GNB5: variants seen among roughly 807,000 people sequenced by gnomAD.
The protein encoded by GNB5 is guanine nucleotide-binding protein subunit beta-5.
Under a neutral mutation model 55.3 loss-of-function variants are expected in GNB5, and 37 were observed. The observed-to-expected ratio is 0.67, with a 90% CI of 0.51 to 0.88. The LOEUF (loss-of-function observed/expected upper bound fraction) is 0.88, where lower values mean the gene tolerates loss of function less well. GNB5 is among the 40% of genes least tolerant of loss of function. GNB5 has a pLI of 0.00. For missense variants in GNB5, 476 were observed against 515.3 expected, an observed-to-expected ratio of 0.92 and a Z score of 0.74; for synonymous variants, 219 against 198.5, an observed-to-expected ratio of 1.10 and a Z score of -0.87.
intron 9 of GNB5, chr15:52,128,933 C>G (rs1303008176): frequency 6.2e-6 from 2 of 324,576 alleles, no homozygotes; most frequent in East Asian, 1.6e-4. Context: ...GCTGTGTTCC[C>G]CACACCTTCC....
In GNB5 at chr15:52,121,098, G is replaced by C. The variant is rs1472502838; in HGVS notation, c.*1659C>G. The C allele has an allele frequency of 6.6e-6, 1 of 152,238 alleles. No individual in the cohort carries two copies. The highest frequency in any genetic ancestry group is 1.5e-5 in the Non-Finnish European group (1 of 68,058). The allele number at this position is 152,238 out of a possible 1,614,324, so 9.4% of individuals were successfully genotyped here. A position where few individuals can be genotyped will look rare whatever the true frequency, so the allele number is the denominator to read the frequency against. On this transcript the variant is annotated 3_prime_UTR_variant, in exon 13 of 13. Coordinates refer to ENST00000261837, the MANE Select transcript of GNB5 (RefSeq NM_016194.4). ...GCATCTGGTCCAGTCCTGTCTTATG[G>C]CTGTGCCCAGCTCCAGCTCTGGAAG...
intron 3 of GNB5, among the ~76,000 whole-genome samples, chr15:52,174,430 C>T (rs1487692674): frequency 6.6e-6 from 1 of 152,130 alleles, no homozygotes; most frequent in African/African-American, 2.4e-5. Context: ...GGAGAAAGCT[C>T]TGGGGAGAAG....
chr15:52,145,929 T>C (rs114845794), intron 6 of GNB5, among the ~76,000 whole-genome samples: 1 of 151,692 alleles, frequency 6.6e-6, no homozygotes, highest in Admixed American at 6.6e-5. Flanking sequence ...TTTGGTATAG[T>C]TCCTCCCAGC....
intron 3 of GNB5, among the ~76,000 whole-genome samples, chr15:52,172,102 T>C (rs898777769): frequency 6.6e-6 from 1 of 152,172 alleles, no homozygotes; most frequent in Non-Finnish European, 1.5e-5. Flanking sequence ...AGTTAAAGAC[T>C]CTTTAGAGTT....
In GNB5 at chr15:52,124,474, C is replaced by T. The variant is rs986601217; in HGVS notation, c.1175G>A (p.Arg392Lys). The change falls in exon 12 of 13, where the codon AGA becomes AAA. Residue 392 changes from arginine (R) to lysine (K), a missense_variant and splice_region_variant. Arg to Lys is a conservative substitution (Grantham distance 26). Transcript: ENST00000261837. ...AAAACAGAAAACCATCCCTCTTACT[C>T]TGAGGGTATGATCCCATGATCCAGA... ...FCSGSWDHTL[R>K]VWA 1.2e-6 allele frequency: 2 copies of T among 1,611,440 alleles called. No individual in the cohort carries two copies. Among genetic ancestry groups the T allele is most frequent in the African/African-American group, 2.7e-5 (2 of 74,958 alleles).
intron 3 of GNB5, among the ~76,000 whole-genome samples, chr15:52,175,514 A>T (rs2034633216): frequency 6.6e-6 from 1 of 151,018 alleles, no homozygotes; most frequent in African/African-American, 2.4e-5. Flanking sequence ...TGAGGCGGGC[A>T]GATCACCTGA....
At chr15:52,147,582 CTTTTT>C (rs751616514) in intron 5 of GNB5, 47 bp from the exon 6 acceptor site, 2 of 805,004 alleles carry the variant, frequency 2.5e-6, no homozygotes, top group African/African-American at 3.7e-5. Flanking sequence ...ACACAAAAAT[CTTTTT>C]TTTTTTTCTT....
At chr15:52,151,169 G>A (rs2034085783) in intron 4 of GNB5, among the ~76,000 whole-genome samples, 1 of 152,190 alleles carries the variant, frequency 6.6e-6, no homozygotes, top group African/African-American at 2.4e-5. Context: ...AGTGTGTGGG[G>A]TGGATTCAGT....
intron 3 of GNB5, among the ~76,000 whole-genome samples, chr15:52,176,832 A>G (rs74015619): frequency 0.034 from 5,245 of 152,140 alleles, 305 homozygotes; most frequent in African/African-American, 0.12. Context: ...AAACCCTCCA[A>G]GGGTTTCCCA....
chr15:52,142,291 TTC>T (rs2033873933), intron 6 of GNB5, among the ~76,000 whole-genome samples: 1 of 152,228 alleles, frequency 6.6e-6, no homozygotes, highest in Non-Finnish European at 1.5e-5. Flanking sequence ...AAATATCATT[TTC>T]TCCAACCACC....
intron 9 of GNB5, among the ~76,000 whole-genome samples, 193 bp downstream of exon 9, chr15:52,133,185 C>G (rs1425008930): frequency 6.6e-6 from 1 of 152,102 alleles, no homozygotes; most frequent in East Asian, 1.9e-4. Context: ...TTAATTGCTC[C>G]TAATGTAATT....
rs1323865389 is a variant in GNB5, at chr15:52,121,511, A to G, written c.*1246T>C. The G allele has an allele frequency of 7.8e-5, 1 of 12,890 alleles. No individual in the cohort carries two copies. The highest frequency in any genetic ancestry group is 1.4e-4 in the Non-Finnish European group (1 of 7,268). The allele number at this position is 12,890 out of a possible 1,614,324, so 0.8% of individuals were successfully genotyped here. On this transcript the variant is annotated 3_prime_UTR_variant, in exon 13 of 13. Coordinates refer to ENST00000261837, the MANE Select transcript of GNB5 (RefSeq NM_016194.4). ...CAAATAAAGAGAAGATCTTCTTTTAATATCGTTTTTCTATGTAAGAGGAGC... is the reference window on the plus strand; with the variant it reads ...CAAATAAAGAGAAGATCTTCTTTTAGTATCGTTTTTCTATGTAAGAGGAGC...
chr15:52,147,729 T>C (rs2034006683), intron 5 of GNB5, among the ~76,000 whole-genome samples, 194 bp from the exon 6 acceptor site: 1 of 152,072 alleles, frequency 6.6e-6, no homozygotes, highest in Non-Finnish European at 1.5e-5. Flanking sequence ...ATTACAGGCA[T>C]GCGCCACCAT....
intron 7 of GNB5, among the ~76,000 whole-genome samples, chr15:52,136,064 AACACACACACACAC>A (rs147163026): frequency 1.1e-4 from 11 of 98,044 alleles, no homozygotes; most frequent in Non-Finnish European, 1.9e-4. Context: ...GGAAAAGCAG[AACACACACACACAC>A]ACACACACAC....
chr15:52,165,206 G>C (rs996845167), intron 3 of GNB5, among the ~76,000 whole-genome samples: 4 of 152,132 alleles, frequency 2.6e-5, no homozygotes, highest in African/African-American at 9.7e-5. Context: ...GTAAATATGG[G>C]ATTATGTAAA....
rs372832401 is a variant in GNB5 at position 52,135,715 on chromosome 15, G to C, written c.669C>G (p.Asp223Glu). The C allele has an allele frequency of 3.7e-6, 6 of 1,612,874 alleles. No homozygotes were observed. Among genetic ancestry groups the C allele is most frequent in the Admixed American group, 1.7e-5 (1 of 59,932 alleles). ...ASGDGTCALW[D>E]VESGQLLQSF... ...TCTGCAGCAGCTGCCCGCTCTCCAC[G>C]TCCCACAGGGCACATGTGCCATCGC... Residue 223 changes from aspartate (D) to glutamate (E), a missense_variant, in exon 8 of 13, where the codon GAC becomes GAG. Physicochemically the swap from Asp to Glu is conservative, Grantham distance 45. Transcript: ENST00000261837.
At chr15:52,123,215 T>C (rs546378766) in intron 12 of GNB5, among the ~76,000 whole-genome samples, 4 of 152,148 alleles carry the variant, frequency 2.6e-5, no homozygotes, top group Non-Finnish European at 5.9e-5. Flanking sequence ...CTTTTCTCTA[T>C]CCTAACACTA....
intron 9 of GNB5, among the ~76,000 whole-genome samples, chr15:52,129,099 G>A (rs2083586446): frequency 6.6e-6 from 1 of 151,998 alleles, no homozygotes; most frequent in South Asian, 2.1e-4. Flanking sequence ...GGGATTACAG[G>A]TGTATGCCAC....
chr15:52,186,904 G>A (rs1019939817), intron 1 of GNB5, among the ~76,000 whole-genome samples: 3 of 152,118 alleles, frequency 2.0e-5, no homozygotes, highest in African/African-American at 7.2e-5. Context: ...AGGTGTACAG[G>A]GCATCCCTTA....
Sources: gnomAD v4.1 joint callset for allele counts (sites outside exome capture counted in the v4.1 genomes callset) on GRCh38, gnomAD v4.1.1 for gene constraint, MANE v1.5 for transcripts, NCBI Gene and HGNC (gene_info 2026-07-23, HGNC 2026-07-21) for gene names.